The following FBXL17 variants were observed in gnomAD, a reference collection of about 807,000 sequenced individuals.
FBXL17 encodes the protein F-box and leucine rich repeat protein 17.
In FBXL17, 22 loss-of-function variants were observed where a neutral mutation model predicts 66.2. The ratio of observed to expected loss-of-function variants is 0.33; its 90% CI spans 0.24 to 0.47. The LOEUF (loss-of-function observed/expected upper bound fraction) is 0.47. Ranked by LOEUF, FBXL17 falls within the 20% of genes least tolerant of loss-of-function variation. The pLI, the probability that FBXL17 is intolerant of heterozygous loss-of-function variation, is 1.00. For synonymous variants in FBXL17, 474 were observed against 400.5 expected (o/e 1.18, Z -2.19); for missense variants, 878 against 948.2 (o/e 0.93, Z 0.97).
intron 8 of FBXL17, among the ~76,000 whole-genome samples, chr5:107,868,844 A>C (rs1411614549): frequency 1.3e-5 from 2 of 152,150 alleles, no homozygotes; most frequent in African/African-American, 2.4e-5. Flanking sequence ...ACATGCACAA[A>C]ATATGCACAT....
chr5:108,024,674 AC>A (rs1754727458), intron 6 of FBXL17, among the ~76,000 whole-genome samples: 1 of 152,194 alleles, frequency 6.6e-6, no homozygotes, highest in African/African-American at 2.4e-5. Flanking sequence ...CTTTTGGAAT[AC>A]AGAGAAAGGG....
At chr5:107,999,284 T>C (rs555008584) in intron 7 of FBXL17, among the ~76,000 whole-genome samples, 1 of 152,254 alleles carries the variant, frequency 6.6e-6, no homozygotes, top group South Asian at 2.1e-4. Context: ...CTTCGACAAA[T>C]ACCTGTTGAC....
chr5:108,244,751 T>C (rs1159326293), intron 4 of FBXL17, among the ~76,000 whole-genome samples: 1 of 152,154 alleles, frequency 6.6e-6, no homozygotes, highest in Non-Finnish European at 1.5e-5. Context: ...TATTTATTCA[T>C]GAGGCTGAAG....
At chr5:107,953,402 CAAAA>C (rs1166788701) in intron 7 of FBXL17, among the ~76,000 whole-genome samples, 2 of 50,600 alleles carry the variant, frequency 4.0e-5, no homozygotes, top group African/African-American at 7.6e-5. Context: ...GACTCTCTCT[CAAAA>C]AAAAAAAAAA....
chr5:108,280,391 C>T (rs1437470587), intron 4 of FBXL17, among the ~76,000 whole-genome samples: 1 of 151,958 alleles, frequency 6.6e-6, no homozygotes, highest in South Asian at 2.1e-4. Context: ...AAAGTCTTTC[C>T]CAAACAAGCA....
At chr5:108,093,942 G>C (rs903006351) in intron 6 of FBXL17, among the ~76,000 whole-genome samples, 14 of 152,098 alleles carry the variant, frequency 9.2e-5, no homozygotes, top group African/African-American at 3.1e-4. Flanking sequence ...ACATCTGCAT[G>C]TACTATTATA....
chr5:108,259,090 C>T (rs528625633), intron 4 of FBXL17, among the ~76,000 whole-genome samples: 2 of 152,056 alleles, frequency 1.3e-5, no homozygotes, highest in South Asian at 4.2e-4. Context: ...AAGTCTTCGG[C>T]GACTATCAGC....
rs181290119 is a variant in FBXL17, at chr5:108,317,062, C to G, written c.1506+31337G>C. On this transcript the variant is annotated intron_variant, in intron 4 of 8. Transcript: ENST00000542267. ...TACATAAAGGTCTCAATTTCTAGTT[C>G]TGAGTTATACCACTATCAAATCCCA... Among the ~76,000 whole-genome samples the G allele has an allele frequency of 5.3e-5, 8 of 151,164 alleles. No homozygotes were observed. The East Asian group carries it at 1.6e-3, about 29-fold the overall frequency.
intron 6 of FBXL17, among the ~76,000 whole-genome samples, chr5:108,038,472 A>C (rs1441795849): frequency 1.3e-5 from 2 of 152,110 alleles, no homozygotes; most frequent in Non-Finnish European, 2.9e-5. Flanking sequence ...TGATGGGTAC[A>C]CAAAGTTTCA....
intron 7 of FBXL17, among the ~76,000 whole-genome samples, chr5:107,916,042 C>A (rs771791411): frequency 3.9e-5 from 6 of 152,160 alleles, no homozygotes; most frequent in Non-Finnish European, 7.4e-5. Context: ...TCTGATGGGG[C>A]AGTCTAATAA....
In FBXL17 at chr5:107,859,645, A is replaced by G. The variant is rs1748071099; in HGVS notation, c.*2075T>C. 1 of 151,002 alleles carries G rather than the reference A, an allele frequency of 6.6e-6. No homozygotes were observed. The allele number at this position is 151,002 out of a possible 1,614,324, so 9.4% of individuals were successfully genotyped here. A position where few individuals can be genotyped will look rare whatever the true frequency, so the allele number is the denominator to read the frequency against. ...AAAAAAATCAATTATACATTCTGAAACCATTTGACAACCAAACTGTAACAC... is the reference window on the plus strand; with the variant it reads ...AAAAAAATCAATTATACATTCTGAAGCCATTTGACAACCAAACTGTAACAC... On this transcript the variant is annotated 3_prime_UTR_variant, in exon 9 of 9. Coordinates refer to ENST00000542267, the MANE Select transcript of FBXL17 (RefSeq NM_001163315.3).
intron 6 of FBXL17, among the ~76,000 whole-genome samples, chr5:108,044,093 T>C (rs1747152418): frequency 6.6e-6 from 1 of 152,204 alleles, no homozygotes; most frequent in Non-Finnish European, 1.5e-5. Context: ...ATACATTCCT[T>C]AGGATATTTC....
At chr5:108,152,691 C>T (rs950765020) in intron 6 of FBXL17, among the ~76,000 whole-genome samples, 3 of 152,018 alleles carry the variant, frequency 2.0e-5, no homozygotes, top group African/African-American at 7.3e-5. Context: ...AAAAAAATAT[C>T]CTGGAATTCA....
At chr5:108,056,131 T>C (rs184648456) in intron 6 of FBXL17, among the ~76,000 whole-genome samples, 3 of 152,356 alleles carry the variant, frequency 2.0e-5, no homozygotes, top group Admixed American at 1.3e-4. Flanking sequence ...CTATTAATTC[T>C]TTTATACCCT....
chr5:107,990,853 C>T (rs1289889323), intron 7 of FBXL17, among the ~76,000 whole-genome samples: 2 of 152,136 alleles, frequency 1.3e-5, no homozygotes, highest in African/African-American at 4.8e-5. Flanking sequence ...GACATCTTCT[C>T]CGAGACTGGT....
chr5:108,097,857 T>C lies in FBXL17; in HGVS notation c.1746-76856A>G, dbSNP rs531863635. Reference sequence around the variant, plus strand: ...TAGTGTCTCTCTTTCCATAACATCATGCTACCATAATTCTCTGAATAACAT... The same window carrying C: ...TAGTGTCTCTCTTTCCATAACATCACGCTACCATAATTCTCTGAATAACAT... On this transcript the variant is annotated intron_variant, in intron 6 of 8. Coordinates refer to ENST00000542267, the MANE Select transcript of FBXL17 (RefSeq NM_001163315.3). Among the ~76,000 whole-genome samples, 6 of 152,228 alleles carry C rather than the reference T, an allele frequency of 3.9e-5. No homozygotes were observed. In the South Asian group the frequency reaches 1.0e-3, roughly 26 times the overall value.
At chr5:108,291,048 C>T (rs973505522) in intron 4 of FBXL17, among the ~76,000 whole-genome samples, 3 of 152,022 alleles carry the variant, frequency 2.0e-5, no homozygotes, top group Admixed American at 2.0e-4. Flanking sequence ...TTAAATTGTC[C>T]TGGAAAGAAC....
chr5:108,222,868 T>C (rs1006782881), intron 5 of FBXL17, among the ~76,000 whole-genome samples: 1 of 151,820 alleles, frequency 6.6e-6, no homozygotes, highest in South Asian at 2.1e-4. Flanking sequence ...GAGATGGAGT[T>C]TCACCACGTT....
At chr5:107,983,946 A>G (rs1290835042) in intron 7 of FBXL17, among the ~76,000 whole-genome samples, 1 of 152,180 alleles carries the variant, frequency 6.6e-6, no homozygotes, top group East Asian at 1.9e-4. Flanking sequence ...GCAGTGAAGA[A>G]AAATAATTGA....
Sources: gnomAD v4.1 joint callset for allele counts (sites outside exome capture counted in the v4.1 genomes callset) on GRCh38, gnomAD v4.1.1 for gene constraint, MANE v1.5 for transcripts, NCBI Gene and HGNC (gene_info 2026-07-23, HGNC 2026-07-21) for gene names.